Variants in NOB1 observed in about 807,000 individuals in gnomAD.
NOB1 encodes RNA-binding protein NOB1.
A neutral mutation model predicts 44.8 loss-of-function variants in NOB1; 44 were observed. The observed-to-expected ratio is 0.98, with a 90% CI of 0.77 to 1.26. NOB1 has a LOEUF of 1.26. NOB1 is among the 50% of genes most tolerant of loss of function. NOB1 has a pLI of 0.00. For synonymous variants in NOB1, 238 were observed against 218.7 expected, an observed-to-expected ratio of 1.09 and a Z score of -0.78; for missense variants, 560 against 544.8, an observed-to-expected ratio of 1.03 and a Z score of -0.28.
At chr16:69,746,631 T>G (rs1326235838) in intron 7 of NOB1, among the ~76,000 whole-genome samples, 1 of 152,168 alleles carries the variant, frequency 6.6e-6, no homozygotes, top group Non-Finnish European at 1.5e-5. Context: ...TAGGGCCGGG[T>G]GTGGTGGCTC....
At chr16:69,754,205 A>G (rs4442796) in intron 2 of NOB1, among the ~76,000 whole-genome samples, 130,102 of 152,268 alleles carry the variant, frequency 0.85, 55,804 homozygotes, top group Admixed American at 0.9. Context: ...TACTGAAAAG[A>G]AATGGACGAG....
In NOB1 at chr16:69,742,609, T is replaced by C. The variant is rs2151752211; in HGVS notation, c.970-8A>G. ...GGGAGTGGGAAGCGAGTACTGGAAA[T>C]AAGACAAGGAAGGGCCATTAGAAGA... On this transcript the variant is annotated splice_region_variant and splice_polypyrimidine_tract_variant and intron_variant, in intron 8 of 8. Transcript: ENST00000268802. The C allele has an allele frequency of 3.7e-6, 6 of 1,613,378 alleles. No homozygotes were observed. The highest frequency in any genetic ancestry group is 3.3e-5 in the South Asian group (3 of 91,056).
chr16:69,749,156 A>G (rs2038460168), intron 5 of NOB1, 38 bp from the exon 6 acceptor site: 3 of 1,613,322 alleles, frequency 1.9e-6, no homozygotes, highest in Non-Finnish European at 2.5e-6. Context: ...CCCAACCCAC[A>G]GGAGCAGTGG....
intron 7 of NOB1, 63 bp from the exon 8 acceptor site, chr16:69,745,080 C>T: frequency 1.3e-6 from 2 of 1,583,154 alleles, no homozygotes; most frequent in East Asian, 4.5e-5. Context: ...CTCCCCAGAG[C>T]ACAAGGTGGG....
At chr16:69,754,088 G>A (rs1452418684) in intron 2 of NOB1, among the ~76,000 whole-genome samples, 2 of 152,226 alleles carry the variant, frequency 1.3e-5, no homozygotes, top group African/African-American at 4.8e-5. Context: ...CAGGCCGTAA[G>A]CCACCGCGCC....
chr16:69,748,609 T>G, intron 6 of NOB1: 1 of 534,772 alleles, frequency 1.9e-6, no homozygotes. Flanking sequence ...TACTCATTGC[T>G]GGGCTGAAAA....
intron 7 of NOB1, among the ~76,000 whole-genome samples, chr16:69,748,030 T>C (rs2038447842): frequency 6.6e-6 from 1 of 152,036 alleles, no homozygotes; most frequent in African/African-American, 2.4e-5. Flanking sequence ...TCGGGTGCAG[T>C]GGTATGTGCC....
At chr16:69,748,532 G>A (rs759679635) in intron 6 of NOB1, among the ~76,000 whole-genome samples, 3 of 152,140 alleles carry the variant, frequency 2.0e-5, no homozygotes, top group Non-Finnish European at 4.4e-5. Flanking sequence ...GCCTGTGTTC[G>A]TCATTTTCCA....
rs751651629 is a variant in NOB1 at position 69,749,068 on chromosome 16, G to A, written c.576C>T (p.Asn192=). 201 of 1,614,082 alleles carry A rather than the reference G, an allele frequency of 1.2e-4. No individual in the cohort carries two copies. Among genetic ancestry groups the A allele is most frequent in the Non-Finnish European group, 1.6e-4 (185 of 1,180,052 alleles). Residue 192 remains asparagine (N), a synonymous_variant, in exon 6 of 9, where the codon AAC becomes AAT. Transcript: ENST00000268802. The part of the protein sequence containing the change: ...VPSEEEEEEE[N]GFEDRKDDSD... ...TGTCATCTTTTCTGTCTTCAAACCC[G>A]TTTTCTTCCTCCTCCTCCTCCTCAC...
At chr16:69,748,476 G>A (rs2038452372) in intron 6 of NOB1, 147 bp from the exon 7 acceptor site, 1 of 668,358 alleles carries the variant, frequency 1.5e-6, no homozygotes, top group East Asian at 2.8e-5. Flanking sequence ...CTCAAGATGT[G>A]TAAACGAGGA....
intron 7 of NOB1, among the ~76,000 whole-genome samples, chr16:69,747,587 A>T (rs1424232547): frequency 1.3e-5 from 2 of 151,766 alleles, no homozygotes; most frequent in African/African-American, 4.8e-5. Context: ...TTTTATCTTC[A>T]CCCCCACCCA....
Position 69,749,328 on chromosome 16 carries a change from G to A in NOB1, c.410C>T (p.Pro137Leu), listed in dbSNP as rs1413887220. 1 of 1,594,820 alleles carries A rather than the reference G, an allele frequency of 6.3e-7. No homozygotes were observed. The highest frequency in any genetic ancestry group is 8.5e-7 in the Non-Finnish European group (1 of 1,175,066). Residue 137 changes from proline to leucine, a missense_variant, in exon 5 of 9, where the codon CCA (proline) becomes CTA (leucine). Transcript: ENST00000268802. ...GFHLPYKPKP[P>L]QETEKGHSAC... ...TGAGTGTCCTTTTTCTGTTTCTTGT[G>A]GGGGTTTAGGCTGAAATTAAAAGAA...
In NOB1 at chr16:69,749,297, A is replaced by G. The variant is rs2038462023; in HGVS notation, c.441T>C (p.Cys147=). 1 of 1,610,212 alleles carries G rather than the reference A, an allele frequency of 6.2e-7. No individual in the cohort carries two copies. Among genetic ancestry groups the G allele is most frequent in the Non-Finnish European group, 8.5e-7 (1 of 1,179,020 alleles). Reference sequence around the variant, plus strand: ...AACTAAATTCCAGGTTCTCAGGCTCACAAGCTGAGTGTCCTTTTTCTGTTT... The same window carrying G: ...AACTAAATTCCAGGTTCTCAGGCTCGCAAGCTGAGTGTCCTTTTTCTGTTT... ...PQETEKGHSA[C]EPENLEFSSF... The change falls in exon 5 of 9, where the codon TGT becomes TGC. Residue 147 remains cysteine (C), a synonymous_variant. Transcript: ENST00000268802.
At chr16:69,753,029 C>G (rs2038496087) in intron 2 of NOB1, among the ~76,000 whole-genome samples, 1 of 152,152 alleles carries the variant, frequency 6.6e-6, no homozygotes, top group African/African-American at 2.4e-5. Context: ...CCAGACCAGC[C>G]TGGCCAACAT....
intron 7 of NOB1, 27 bp from the exon 8 acceptor site, chr16:69,745,044 G>A: frequency 2.5e-6 from 4 of 1,611,346 alleles, no homozygotes; most frequent in Non-Finnish European, 3.4e-6. Flanking sequence ...GAGATGATCT[G>A]TACCAAAGCC....
intron 2 of NOB1, 141 bp downstream of exon 2, chr16:69,754,453 C>G (rs942454208): frequency 8.4e-7 from 1 of 1,193,456 alleles, no homozygotes; most frequent in Non-Finnish European, 1.2e-6. Context: ...GGAAGCCTCT[C>G]TCCTACCACA....
In NOB1 at chr16:69,745,037, A is replaced by T; in HGVS notation, c.825-20T>A. 6.2e-7 allele frequency: 1 copy of T among 1,613,788 alleles called. No homozygotes were observed. ...GTTGTCCTGGGAGACACAAAAGGAG[A>T]TGATCTGTACCAAAGCCACAGGCAG... On this transcript the variant is annotated intron_variant, in intron 7 of 8. Coordinates refer to ENST00000268802, the MANE Select transcript of NOB1 (RefSeq NM_014062.3).
In NOB1 at chr16:69,749,200, G is replaced by C. The variant is rs368890228; in HGVS notation, c.525+13C>G. 1.5e-5 allele frequency: 24 copies of C among 1,612,988 alleles called. No individual in the cohort carries two copies. In the African/African-American group the frequency reaches 2.3e-4, roughly 15 times the overall value. ...TTGAGCTGTCGTCAGAAGACCAAAA[G>C]TCAAGGCCTCACCAGCAGCTCCTGC... On this transcript the variant is annotated intron_variant, in intron 5 of 8. Coordinates refer to ENST00000268802, the MANE Select transcript of NOB1 (RefSeq NM_014062.3).
At chr16:69,747,910 C>A in intron 7 of NOB1, among the ~76,000 whole-genome samples, 1 of 152,158 alleles carries the variant, frequency 6.6e-6, no homozygotes, top group East Asian at 1.9e-4. Flanking sequence ...GTAACCCCAG[C>A]TCTTTGGGAG....
Sources: allele counts gnomAD v4.1 joint callset (sites outside exome capture counted in the v4.1 genomes callset), GRCh38; gene constraint gnomAD v4.1.1; transcripts MANE v1.5; gene names NCBI Gene and HGNC (gene_info 2026-07-23, HGNC 2026-07-21).